LNX1: variants seen among roughly 807,000 people sequenced by gnomAD.
LNX1 encodes ligand of numb-protein X 1.
Under a neutral mutation model 68.4 loss-of-function variants are expected in LNX1, and 54 were observed. That is an observed-to-expected ratio of 0.79 (90% CI 0.63 to 0.99). The LOEUF (loss-of-function observed/expected upper bound fraction) is 0.99, where lower values mean the gene tolerates loss of function less well. Among genes scored for constraint, LNX1 ranks in the 50% least tolerant of loss-of-function variants. The probability of loss-of-function intolerance (pLI) is 0.00; values close to 1 mark genes in which losing one functional copy is unlikely to be tolerated. For missense variants in LNX1, 906 were observed against 926.4 expected (o/e 0.98, Z 0.29); for synonymous variants, 336 against 350.0 (o/e 0.96, Z 0.45).
At chr4:53,508,983 G>C (rs1019300946) in intron 2 of LNX1, among the ~76,000 whole-genome samples, 3 of 152,154 alleles carry the variant, frequency 2.0e-5, no homozygotes, top group African/African-American at 7.2e-5. Flanking sequence ...AACTTTGTGA[G>C]AAAAGCAAGT....
At chr4:53,540,797 C>T (rs1206548019) in intron 2 of LNX1, among the ~76,000 whole-genome samples, 2 of 152,152 alleles carry the variant, frequency 1.3e-5, no homozygotes, top group African/African-American at 4.8e-5. Context: ...TGGGGTCAAA[C>T]ATTTGTCTTT....
At chr4:53,597,175 C>T (rs367553282) in intron 2 of LNX1, among the ~76,000 whole-genome samples, 2 of 152,160 alleles carry the variant, frequency 1.3e-5, no homozygotes, top group Non-Finnish European at 2.9e-5. Flanking sequence ...GTATGCTTTG[C>T]AATGCTAGCT....
intron 1 of LNX1, among the ~76,000 whole-genome samples, chr4:53,648,216 A>G (rs1190534145): frequency 1.3e-5 from 2 of 152,216 alleles, no homozygotes; most frequent in Non-Finnish European, 2.9e-5. Context: ...CTACATTTCC[A>G]TCAACAGTGC....
chr4:53,648,144 A>G (rs1482965393), intron 1 of LNX1, among the ~76,000 whole-genome samples: 1 of 152,228 alleles, frequency 6.6e-6, no homozygotes, highest in Non-Finnish European at 1.5e-5. Context: ...TGGGTCATTG[A>G]CAATTCTATT....
chr4:53,506,581 G>A (rs1725886166), intron 4 of LNX1, among the ~76,000 whole-genome samples: 1 of 152,080 alleles, frequency 6.6e-6, no homozygotes. Flanking sequence ...GGCGCCAGGT[G>A]CGGTGGCTCA....
chr4:53,643,904 G>C (rs1734783451), intron 1 of LNX1, among the ~76,000 whole-genome samples: 1 of 152,198 alleles, frequency 6.6e-6, no homozygotes. Context: ...ATTATTTCAT[G>C]AATGGAGCAT....
chr4:53,491,219 A>C (rs1353523928), intron 6 of LNX1, among the ~76,000 whole-genome samples: 1 of 152,136 alleles, frequency 6.6e-6, no homozygotes, highest in Non-Finnish European at 1.5e-5. Context: ...GGAGTTAACA[A>C]GTGTAACATG....
At chr4:53,512,103 G>C (rs1365086807) in intron 2 of LNX1, among the ~76,000 whole-genome samples, 1 of 152,158 alleles carries the variant, frequency 6.6e-6, no homozygotes. Context: ...ATGCTCGTCA[G>C]GTGAGAGAAT....
chr4:53,478,744 TG>T lies in LNX1; in HGVS notation c.1486-3del. 1 of 1,612,218 alleles carries T rather than the reference TG, an allele frequency of 6.2e-7. No homozygotes were observed. The highest frequency in any genetic ancestry group is 8.5e-7 in the Non-Finnish European group (1 of 1,178,902). ...ACAAGTAATTGTAGGATGGAGGGGC[TG>T]AAGGCACAGATGGAAAAACATGGCA... is the stretch of plus-strand genomic sequence containing the variant. On this transcript the variant is annotated splice_polypyrimidine_tract_variant and splice_region_variant and intron_variant, in intron 7 of 10. Coordinates refer to ENST00000263925, the MANE Select transcript of LNX1 (RefSeq NM_001126328.3).
chr4:53,519,696 C>G (rs907541458), intron 2 of LNX1, among the ~76,000 whole-genome samples: 43 of 152,152 alleles, frequency 2.8e-4, no homozygotes, highest in African/African-American at 1.0e-3. Context: ...CACACACACA[C>G]ACTCCTTAAC....
At chr4:53,527,407 C>T (rs1727695567) in intron 2 of LNX1, among the ~76,000 whole-genome samples, 1 of 152,132 alleles carries the variant, frequency 6.6e-6, no homozygotes, top group South Asian at 2.1e-4. Flanking sequence ...CTTCAAAATC[C>T]TTCTGAGAGT....
Position 53,496,114 on chromosome 4 carries a change from T to C in LNX1, c.1259A>G (p.His420Arg). 1.2e-6 allele frequency: 2 copies of C among 1,614,126 alleles called. No homozygotes were observed. Among genetic ancestry groups the C allele is most frequent in the East Asian group, 2.2e-5 (1 of 44,872 alleles). The change falls in exon 6 of 11, where the codon CAT becomes CGT. Residue 420 changes from histidine (H) to arginine (R), a missense_variant. By Grantham distance (29) the His-to-Arg change is conservative. Coordinates refer to ENST00000263925, the MANE Select transcript of LNX1 (RefSeq NM_001126328.3). ...ACGGTCATTCTCCTCAAGCTGACCA[T>C]GTCGATATGCCACACCGCCATCCAG... ...NVLDGGVAYR[H>R]GQLEENDRVL...
At chr4:53,534,139 C>A (rs540936308) in intron 2 of LNX1, among the ~76,000 whole-genome samples, 1 of 152,328 alleles carries the variant, frequency 6.6e-6, no homozygotes, top group East Asian at 1.9e-4. Flanking sequence ...GCCTAGGGCC[C>A]AGTTACCCCA....
chr4:53,644,260 T>G (rs2668552), intron 1 of LNX1, among the ~76,000 whole-genome samples: 124,875 of 151,960 alleles, frequency 0.82, 51,761 homozygotes, highest in African/African-American at 0.94. Context: ...AATTAGATGG[T>G]TATGGTGGCA....
intron 2 of LNX1, among the ~76,000 whole-genome samples, chr4:53,536,905 C>G (rs1489127867): frequency 6.6e-6 from 1 of 152,242 alleles, no homozygotes; most frequent in African/African-American, 2.4e-5. Context: ...AGAATTTCTG[C>G]TCCAACCCCA....
chr4:53,569,542 C>T lies in LNX1; in HGVS notation c.380+4081G>A, dbSNP rs1577730496. Among the ~76,000 whole-genome samples the T allele has an allele frequency of 2.2e-5, 3 of 139,494 alleles. No homozygotes were observed. In the South Asian group the frequency reaches 7.4e-4, roughly 34 times the overall value. 91.5% of individuals were successfully genotyped at this position (139,494 alleles called of 152,430 possible). On this transcript the variant is annotated intron_variant, in intron 2 of 10. Coordinates refer to ENST00000263925, the MANE Select transcript of LNX1 (RefSeq NM_001126328.3). ...ATGGATTAAAGACTTAAACGTTAGA[C>T]CTAAAACCATAAAAACCCTAGAAGA...
In LNX1 at chr4:53,460,774, G is replaced by C; in HGVS notation, c.*133C>G. 1.1e-6 allele frequency: 1 copy of C among 921,648 alleles called. No individual in the cohort carries two copies. The highest frequency in any genetic ancestry group is 1.8e-5 in the African/African-American group (1 of 56,764). 57.1% of individuals were successfully genotyped at this position (921,648 alleles called of 1,614,324 possible). A position where few individuals can be genotyped will look rare whatever the true frequency, so the allele number is the denominator to read the frequency against. On this transcript the variant is annotated 3_prime_UTR_variant, in exon 11 of 11. Transcript: ENST00000263925. ...TCTGAGGTGTAACTGGCTTTCATTA[G>C]ATGATCATACTTTTCCTGACATTTT...
intron 1 of LNX1, among the ~76,000 whole-genome samples, chr4:53,623,753 T>C (rs1457099576): frequency 3.3e-5 from 5 of 151,984 alleles, no homozygotes; most frequent in Non-Finnish European, 1.5e-5. Flanking sequence ...ACCCTCACAC[T>C]AGCAACTTGA....
chr4:53,527,792 A>T (rs1727729974), intron 2 of LNX1, among the ~76,000 whole-genome samples: 1 of 152,164 alleles, frequency 6.6e-6, no homozygotes, highest in South Asian at 2.1e-4. Context: ...CAGCTACTGG[A>T]CTTCGTGAGG....
Sources: gnomAD v4.1 joint callset for allele counts (sites outside exome capture counted in the v4.1 genomes callset) on GRCh38, gnomAD v4.1.1 for gene constraint, MANE v1.5 for transcripts, NCBI Gene and HGNC (gene_info 2026-07-23, HGNC 2026-07-21) for gene names.